SOX5: variants seen among roughly 807,000 people sequenced by gnomAD.
SOX5 encodes SRY-box transcription factor 5.
A neutral mutation model predicts 92.0 loss-of-function variants in SOX5; 9 were observed. The ratio of observed to expected loss-of-function variants is 0.10; its 90% CI spans 0.06 to 0.17. SOX5 has a LOEUF of 0.17. Ranked by LOEUF, SOX5 falls within the 10% of genes least tolerant of loss-of-function variation. SOX5 has a pLI of 1.00. For synonymous variants in SOX5, 344 were observed against 336.3 expected (o/e 1.02, Z -0.25); for missense variants, 642 against 944.5 (o/e 0.68, Z 4.20).
At chr12:24,216,865 T>C (rs1472889134) in intron 3 of SOX5, among the ~76,000 whole-genome samples, 1 of 151,400 alleles carries the variant, frequency 6.6e-6, no homozygotes, top group African/African-American at 2.4e-5. Context: ...GCAGCAGAGG[T>C]TGCAGTGAGC....
intron 1 of SOX5, among the ~76,000 whole-genome samples, chr12:23,925,304 T>C (rs1358507712): frequency 6.6e-6 from 1 of 152,128 alleles, no homozygotes; most frequent in African/African-American, 2.4e-5. Context: ...AGAGTTAATG[T>C]TAATTTTTAG....
intron 9 of SOX5, among the ~76,000 whole-genome samples, chr12:23,593,481 C>T (rs1436364884): frequency 1.3e-5 from 2 of 152,118 alleles, no homozygotes. Context: ...TTGCTCCTTA[C>T]ACTAGCTTTG....
chr12:24,396,250 C>T (rs1418605753), intron 1 of SOX5, among the ~76,000 whole-genome samples: 1 of 152,196 alleles, frequency 6.6e-6, no homozygotes. Context: ...TCTCAGCTGC[C>T]TGCTCCTCGT....
intron 1 of SOX5, among the ~76,000 whole-genome samples, chr12:24,469,955 T>C (rs1206449152): frequency 2.0e-5 from 3 of 152,218 alleles, no homozygotes; most frequent in Non-Finnish European, 4.4e-5. Context: ...TATGAGATGT[T>C]GGTTTCATGA....
intron 6 of SOX5, among the ~76,000 whole-genome samples, chr12:23,695,194 T>C (rs75778613): frequency 1.3e-5 from 2 of 152,040 alleles, no homozygotes; most frequent in African/African-American, 4.8e-5. Context: ...CACTGATCTG[T>C]ACATTTGTCA....
intron 1 of SOX5, among the ~76,000 whole-genome samples, chr12:24,538,120 C>T (rs1202944878): frequency 6.6e-6 from 1 of 152,130 alleles, no homozygotes; most frequent in Non-Finnish European, 1.5e-5. Flanking sequence ...CAGTCGCTGC[C>T]CTGAGCTCAC....
chr12:24,061,341 C>T (rs933771620), intron 4 of SOX5, among the ~76,000 whole-genome samples: 1 of 152,082 alleles, frequency 6.6e-6, no homozygotes, highest in Non-Finnish European at 1.5e-5. Flanking sequence ...TCTTAGCAGT[C>T]CCAATTAGCT....
intron 8 of SOX5, among the ~76,000 whole-genome samples, chr12:23,636,415 C>A (rs539459452): frequency 4.6e-5 from 7 of 152,196 alleles, no homozygotes; most frequent in African/African-American, 1.7e-4. Context: ...TATCATTTTG[C>A]TTGTCTTTTA....
At chr12:23,639,340 A>G (rs1297957923) in intron 8 of SOX5, among the ~76,000 whole-genome samples, 5 of 152,138 alleles carry the variant, frequency 3.3e-5, no homozygotes, top group Non-Finnish European at 7.4e-5. Context: ...TGCAATGAAC[A>G]TAGGAGTTGC....
chr12:23,890,188 C>T (rs898216818), intron 2 of SOX5, among the ~76,000 whole-genome samples: 2 of 151,894 alleles, frequency 1.3e-5, no homozygotes, highest in African/African-American at 4.8e-5. Flanking sequence ...CGCATGGTGG[C>T]GGGTGCCTGT....
chr12:24,033,395 C>T (rs192656888), intron 4 of SOX5, among the ~76,000 whole-genome samples: 1 of 152,030 alleles, frequency 6.6e-6, no homozygotes, highest in Admixed American at 6.6e-5. Flanking sequence ...CTCTGAAACT[C>T]ACAGGACCAT....
At chr12:23,883,180 C>CAA (rs71059941) in intron 2 of SOX5, among the ~76,000 whole-genome samples, 3,149 of 136,904 alleles carry the variant, frequency 0.023, 105 homozygotes, top group African/African-American at 0.08. Flanking sequence ...GACTCCATCT[C>CAA]AAAAAAAAAA....
intron 1 of SOX5, among the ~76,000 whole-genome samples, chr12:24,495,734 ATAAC>A (rs1484286603): frequency 2.0e-5 from 3 of 152,226 alleles, no homozygotes; most frequent in Non-Finnish European, 4.4e-5. Context: ...CCACTTATGA[ATAAC>A]TACTTATTAA....
At chr12:24,287,212 T>G (rs1945980526) in intron 2 of SOX5, among the ~76,000 whole-genome samples, 1 of 152,218 alleles carries the variant, frequency 6.6e-6, no homozygotes, top group Admixed American at 6.5e-5. Flanking sequence ...TATTCATATT[T>G]GACCCAAAAG....
chr12:24,295,653 T>C (rs988414280), intron 2 of SOX5, among the ~76,000 whole-genome samples: 2 of 152,214 alleles, frequency 1.3e-5, no homozygotes, highest in Non-Finnish European at 2.9e-5. Flanking sequence ...AACTTCTGCC[T>C]CCCAGGTTCA....
chr12:23,610,351 G>A (rs927081434), intron 8 of SOX5, among the ~76,000 whole-genome samples: 14 of 152,102 alleles, frequency 9.2e-5, no homozygotes, highest in East Asian at 5.8e-4. Flanking sequence ...CTGTCTAACC[G>A]CCATCTGGAG....
At chr12:23,947,382 G>C (rs970828168) in intron 1 of SOX5, among the ~76,000 whole-genome samples, 1 of 151,828 alleles carries the variant, frequency 6.6e-6, no homozygotes, top group African/African-American at 2.4e-5. Flanking sequence ...TGATAGTTTA[G>C]TTACATCATA....
chr12:23,701,873 C>G (rs745443026), intron 6 of SOX5, among the ~76,000 whole-genome samples: 17 of 152,012 alleles, frequency 1.1e-4, no homozygotes, highest in Non-Finnish European at 2.5e-4. Flanking sequence ...TCTTTGTTAT[C>G]ACATACCCTT....
chr12:24,217,819 T>G (rs1959381567), intron 3 of SOX5, among the ~76,000 whole-genome samples: 1 of 152,062 alleles, frequency 6.6e-6, no homozygotes, highest in African/African-American at 2.4e-5. Flanking sequence ...AATAACTAAT[T>G]TAAAAATGAG....
Sources: allele counts gnomAD v4.1 joint callset (sites outside exome capture counted in the v4.1 genomes callset), GRCh38; gene constraint gnomAD v4.1.1; transcripts MANE v1.5; gene names NCBI Gene and HGNC (gene_info 2026-07-23, HGNC 2026-07-21).